The following TMEM164 variants were observed in gnomAD, a reference collection of about 807,000 sequenced individuals.
TMEM164 encodes the protein transmembrane protein 164.
A neutral mutation model predicts 18.8 loss-of-function variants in TMEM164; 4 were observed. The observed-to-expected ratio is 0.21, with a 90% confidence interval of 0.10 to 0.49. TMEM164 has a LOEUF of 0.49. Among genes scored for constraint, TMEM164 ranks in the 20% least tolerant of loss-of-function variants. The probability of loss-of-function intolerance (pLI) is 0.98; values close to 1 mark genes in which losing one functional copy is unlikely to be tolerated. For missense variants in TMEM164, 108 were observed against 239.9 expected (o/e 0.45, Z 3.63); for synonymous variants, 86 against 101.7 (o/e 0.85, Z 0.93).
At chrX:110,150,694 T>C (rs1010969099) in intron 5 of TMEM164, among the ~76,000 whole-genome samples, 1 of 112,305 alleles carries the variant, frequency 8.9e-6, no homozygotes, top group African/African-American at 3.2e-5. Context: ...TTTTCCCCCT[T>C]CTTCAGACAT....
intron 2 of TMEM164, among the ~76,000 whole-genome samples, chrX:110,022,761 C>T (rs1308678975): frequency 8.9e-6 from 1 of 111,859 alleles, no homozygotes; most frequent in Non-Finnish European, 1.9e-5. Context: ...TGGTTTCTGC[C>T]CCCAGGGAAC....
chrX:110,022,818 G>T (rs907064898), intron 2 of TMEM164, among the ~76,000 whole-genome samples: 3 of 112,181 alleles, frequency 2.7e-5, no homozygotes, highest in Non-Finnish European at 5.6e-5. Flanking sequence ...TTTTCAGGTG[G>T]CAAGTATGTA....
intron 2 of TMEM164, among the ~76,000 whole-genome samples, chrX:110,051,422 G>A (rs1430190259): frequency 9.0e-6 from 1 of 110,675 alleles, no homozygotes; most frequent in Non-Finnish European, 1.9e-5. Flanking sequence ...AAACAACTTG[G>A]TTCTGGCTGT....
At chrX:110,148,127 C>G (rs1330611438) in intron 5 of TMEM164, among the ~76,000 whole-genome samples, 1 of 110,583 alleles carries the variant, frequency 9.0e-6, no homozygotes, top group Non-Finnish European at 1.9e-5. Context: ...CACCATTGCT[C>G]AATTTATTTT....
chrX:110,014,201 C>T (rs187112895), intron 2 of TMEM164, among the ~76,000 whole-genome samples: 32 of 111,479 alleles, frequency 2.9e-4, no homozygotes, highest in Admixed American at 2.2e-3. Context: ...GTGATGATGA[C>T]AGTCATCATC....
chrX:110,018,472 C>T (rs1476814613), intron 2 of TMEM164, among the ~76,000 whole-genome samples: 1 of 112,301 alleles, frequency 8.9e-6, no homozygotes, highest in Admixed American at 9.4e-5. Context: ...TGGAGCCAGA[C>T]TAGTCAGGTT....
chrX:110,043,612 G>A (rs1165253796), intron 2 of TMEM164, among the ~76,000 whole-genome samples: 1 of 112,344 alleles, frequency 8.9e-6, no homozygotes, highest in Non-Finnish European at 1.9e-5. Context: ...GAAAACTAAA[G>A]CTGTGGTGGT....
chrX:110,034,213 G>T (rs1307215416), intron 2 of TMEM164, among the ~76,000 whole-genome samples: 1 of 111,964 alleles, frequency 8.9e-6, no homozygotes, highest in Non-Finnish European at 1.9e-5. Context: ...TTACTAGTTG[G>T]CATCATGTCA....
At chrX:110,125,578 C>T (rs2066517422) in intron 4 of TMEM164, among the ~76,000 whole-genome samples, 1 of 112,095 alleles carries the variant, frequency 8.9e-6, no homozygotes, top group Non-Finnish European at 1.9e-5. Flanking sequence ...CCCCCAGAGT[C>T]CTGGCTCAGG....
chrX:110,085,870 C>T (rs1455173567), intron 3 of TMEM164, among the ~76,000 whole-genome samples: 2 of 111,882 alleles, frequency 1.8e-5, no homozygotes, highest in Non-Finnish European at 3.8e-5. Flanking sequence ...GAATTAGAGT[C>T]TCCATGTGAA....
At chrX:110,116,875 TG>T (rs748541893) in intron 4 of TMEM164, among the ~76,000 whole-genome samples, 5 of 93,290 alleles carry the variant, frequency 5.4e-5, no homozygotes, top group South Asian at 5.3e-4. Context: ...TGTGTGTGTG[TG>T]GTGTGTGTGT....
intron 5 of TMEM164, among the ~76,000 whole-genome samples, chrX:110,154,752 G>A (rs2066993060): frequency 8.9e-6 from 1 of 111,981 alleles, no homozygotes; most frequent in East Asian, 2.8e-4. Context: ...TTTGAAACCA[G>A]GTGGGCAGAG....
chrX:110,161,453 G>T (rs1036112796), intron 5 of TMEM164, among the ~76,000 whole-genome samples: 4 of 111,655 alleles, frequency 3.6e-5, no homozygotes, highest in African/African-American at 1.3e-4. Context: ...GATGAGGGGG[G>T]ACCTGAGGGA....
At chrX:110,178,361 T>C (rs1270419456), downstream of TMEM164, among the ~76,000 whole-genome samples, 1 of 110,933 alleles carries the variant, frequency 9.0e-6, no homozygotes, top group Admixed American at 9.5e-5. Context: ...TAGGGAGGGG[T>C]AGCAGAACTG....
At chrX:110,145,869 T>C (rs1396303308) in intron 5 of TMEM164, among the ~76,000 whole-genome samples, 1 of 111,919 alleles carries the variant, frequency 8.9e-6, no homozygotes, top group Non-Finnish European at 1.9e-5. Context: ...CCCAGGAACA[T>C]ATTACAGGAT....
intron 4 of TMEM164, among the ~76,000 whole-genome samples, chrX:110,141,539 C>T (rs1253331854): frequency 9.0e-6 from 1 of 111,516 alleles, no homozygotes; most frequent in East Asian, 2.8e-4. Flanking sequence ...CCTTATAAAA[C>T]CATCAGATCT....
Position 110,072,296 on chromosome X carries a change from CAAAAAAAA to C in TMEM164, c.440+4914_440+4921del, listed in dbSNP as rs56056315. On this transcript the variant is annotated intron_variant, in intron 3 of 6. Coordinates refer to ENST00000372068, the MANE Select transcript of TMEM164 (RefSeq NM_032227.4). ...AGCCTGGGCGACAGAGACTCCATCT[CAAAAAAAA>C]AAAAAAAAAAAAAGAAATTATGTAT... Among the ~76,000 whole-genome samples, 4 of 46,285 alleles carry C rather than the reference CAAAAAAAA, an allele frequency of 8.6e-5. 1 individual carries two copies. The East Asian group carries it at 3.1e-3, about 36-fold the overall frequency. 40.2% of individuals were successfully genotyped at this position (46,285 alleles called of 115,157 possible). A position where few individuals can be genotyped will look rare whatever the true frequency, so the allele number is the denominator to read the frequency against.
At chrX:110,142,529 T>C (rs1331135214) in intron 4 of TMEM164, among the ~76,000 whole-genome samples, 4 of 112,750 alleles carry the variant, frequency 3.5e-5, no homozygotes, top group Non-Finnish European at 7.5e-5. Context: ...TGCCTCAGTG[T>C]CCCATCTCTA....
chrX:110,008,453 C>G (rs932871742), intron 2 of TMEM164, among the ~76,000 whole-genome samples: 2 of 111,744 alleles, frequency 1.8e-5, no homozygotes, highest in African/African-American at 3.3e-5. Context: ...CAGCCATCTG[C>G]TGACAGCTTA....
Sources: allele counts gnomAD v4.1 joint callset (sites outside exome capture counted in the v4.1 genomes callset), GRCh38; gene constraint gnomAD v4.1.1; transcripts MANE v1.5; gene names NCBI Gene and HGNC (gene_info 2026-07-23, HGNC 2026-07-21).